BMAL1: variants seen among roughly 807,000 people sequenced by gnomAD.
BMAL1 encodes basic helix-loop-helix ARNT-like protein 1.
At chr11:13,299,638 A>G in the BMAL1 span, among the ~76,000 whole-genome samples, 2 of 152,236 alleles carry the variant, frequency 1.3e-5, no homozygotes, top group South Asian at 2.1e-4. Context: ...GAGAAGCTCT[A>G]GAGTCATTTT....
the BMAL1 span, among the ~76,000 whole-genome samples, chr11:13,294,855 TTC>T: frequency 1.3e-5 from 2 of 152,186 alleles, no homozygotes; most frequent in Admixed American, 1.3e-4. Flanking sequence ...GTTTCCAGTG[TTC>T]TCTGTTCATG....
chr11:13,284,118 ATGTGTGTGTG>A, the BMAL1 span, among the ~76,000 whole-genome samples: 1 of 95,120 alleles, frequency 1.1e-5, no homozygotes, highest in African/African-American at 5.3e-5. Flanking sequence ...GTGTATATAT[ATGTGTGTGTG>A]TATATATATA....
the BMAL1 span, among the ~76,000 whole-genome samples, chr11:13,319,012 G>C: frequency 6.6e-6 from 1 of 151,930 alleles, no homozygotes; most frequent in Non-Finnish European, 1.5e-5. Context: ...CTGGACTTTT[G>C]CATTTGCTTG....
chr11:13,303,064 C>A, the BMAL1 span, among the ~76,000 whole-genome samples: 2 of 152,188 alleles, frequency 1.3e-5, no homozygotes, highest in Non-Finnish European at 2.9e-5. Context: ...CGTTCGTGAT[C>A]TTAATTATTC....
chr11:13,349,821 T>C, the BMAL1 span: 1 of 152,132 alleles, frequency 6.6e-6, no homozygotes, highest in Admixed American at 6.5e-5. Flanking sequence ...CGCCCAGCCT[T>C]CCTCCCTGTA....
At chr11:13,385,806 T>C in the BMAL1 span, 2 of 1,585,854 alleles carry the variant, frequency 1.3e-6, no homozygotes, top group Non-Finnish European at 1.7e-6. Context: ...GTGGCATCAT[T>C]ATTCGTTTCC....
chr11:13,305,195 A>G, the BMAL1 span, among the ~76,000 whole-genome samples: 1 of 152,170 alleles, frequency 6.6e-6, no homozygotes, highest in East Asian at 1.9e-4. Context: ...CTGTGAAAAC[A>G]GATAGTGCAC....
the BMAL1 span, chr11:13,354,362 G>A: frequency 8.7e-6 from 14 of 1,614,002 alleles, no homozygotes; most frequent in African/African-American, 1.3e-5. Context: ...TCATGTCCCC[G>A]GGCCCCACCG....
the BMAL1 span, among the ~76,000 whole-genome samples, chr11:13,284,173 T>G: frequency 1.0e-4 from 4 of 38,168 alleles, no homozygotes; most frequent in East Asian, 1.7e-3. Context: ...TGTATATATA[T>G]ATATGTGTAT....
At chr11:13,355,451 G>A in the BMAL1 span, among the ~76,000 whole-genome samples, 1 of 152,224 alleles carries the variant, frequency 6.6e-6, no homozygotes, top group East Asian at 1.9e-4. Context: ...CGCTAAGGGA[G>A]CCACTGATGT....
the BMAL1 span, among the ~76,000 whole-genome samples, chr11:13,345,073 G>T: frequency 2.6e-5 from 4 of 152,148 alleles, no homozygotes; most frequent in Non-Finnish European, 4.4e-5. Flanking sequence ...ATTCACTGTT[G>T]TCCCTATTTT....
At chr11:13,278,794 G>A in the BMAL1 span, among the ~76,000 whole-genome samples, 1 of 152,264 alleles carries the variant, frequency 6.6e-6, no homozygotes, top group African/African-American at 2.4e-5. Flanking sequence ...CCAGCTCCGG[G>A]TTTGACAGAT....
At chr11:13,321,935 T>C in the BMAL1 span, among the ~76,000 whole-genome samples, 1 of 152,158 alleles carries the variant, frequency 6.6e-6, no homozygotes, top group Non-Finnish European at 1.5e-5. Context: ...TAATATTCCC[T>C]CTCCAGAACT....
At chr11:13,348,266 G>A in the BMAL1 span, among the ~76,000 whole-genome samples, 2 of 152,196 alleles carry the variant, frequency 1.3e-5, no homozygotes, top group Non-Finnish European at 1.5e-5. Context: ...TTAGTCTGTC[G>A]GGGGGCTTTG....
At chr11:13,292,016 T>C in the BMAL1 span, among the ~76,000 whole-genome samples, 13 of 152,212 alleles carry the variant, frequency 8.5e-5, no homozygotes, top group African/African-American at 3.1e-4. Context: ...CATTTCAGCT[T>C]TCAGTGCCTT....
At chr11:13,309,244 G>T in the BMAL1 span, among the ~76,000 whole-genome samples, 1 of 152,098 alleles carries the variant, frequency 6.6e-6, no homozygotes, top group Admixed American at 6.5e-5. Flanking sequence ...AAGACGTCCA[G>T]CTCAGAGGGT....
the BMAL1 span, among the ~76,000 whole-genome samples, chr11:13,326,840 GAC>G: frequency 6.6e-6 from 1 of 151,308 alleles, no homozygotes; most frequent in African/African-American, 2.4e-5. Context: ...GTTTTTTTGA[GAC>G]AGAGTCTCGC....
the BMAL1 span, among the ~76,000 whole-genome samples, chr11:13,383,707 T>C: frequency 1.3e-5 from 2 of 151,652 alleles, no homozygotes; most frequent in South Asian, 4.2e-4. Context: ...AAAAAAATTA[T>C]CCAGGTGTGG....
chr11:13,330,259 A>G, the BMAL1 span, among the ~76,000 whole-genome samples: 1 of 152,216 alleles, frequency 6.6e-6, no homozygotes, highest in African/African-American at 2.4e-5. Context: ...CAACAGGCAC[A>G]GGGTCATAAT....
Sources: gnomAD v4.1 joint callset for allele counts (sites outside exome capture counted in the v4.1 genomes callset) on GRCh38, gnomAD v4.1.1 for gene constraint, MANE v1.5 for transcripts, NCBI Gene and HGNC (gene_info 2026-07-23, HGNC 2026-07-21) for gene names.